Variants in FAM3B observed in about 807,000 individuals in gnomAD.
FAM3B encodes the protein FAM3 metabolism regulating signaling molecule B.
In FAM3B, 29 loss-of-function variants were observed where a neutral mutation model predicts 28.4. That is an observed-to-expected ratio of 1.02 (90% CI 0.76 to 1.39). The LOEUF (loss-of-function observed/expected upper bound fraction) is 1.39, where lower values mean the gene tolerates loss of function less well. Ranked by LOEUF, FAM3B falls within the 40% of genes most tolerant of loss-of-function variation. The pLI is 0.00. For synonymous variants in FAM3B, 91 were observed against 103.0 expected (o/e 0.88, Z 0.71); for missense variants, 266 against 293.9 (o/e 0.91, Z 0.69).
upstream of FAM3B, among the ~76,000 whole-genome samples, chr21:41,316,527 G>A (rs1434978118): frequency 6.6e-6 from 1 of 152,202 alleles, no homozygotes; most frequent in Non-Finnish European, 1.5e-5. Context: ...GGGAGCCAAA[G>A]TATCAAGTGG....
chr21:41,349,303 G>A (rs2089092707), intron 7 of FAM3B, among the ~76,000 whole-genome samples: 1 of 152,152 alleles, frequency 6.6e-6, no homozygotes, highest in Non-Finnish European at 1.5e-5. Context: ...AAATGTGTGG[G>A]AGTAACAAGC....
intron 3 of FAM3B, among the ~76,000 whole-genome samples, chr21:41,342,819 ACTGTTTTCTG>A (rs1390086069): frequency 6.6e-6 from 1 of 152,118 alleles, no homozygotes; most frequent in East Asian, 1.9e-4. Context: ...ACTATTATCT[ACTGTTTTCTG>A]CTGGTTCCAT....
At chr21:41,334,261 A>G (rs1601361005) in intron 2 of FAM3B, among the ~76,000 whole-genome samples, 1 of 152,248 alleles carries the variant, frequency 6.6e-6, no homozygotes, top group South Asian at 2.1e-4. Flanking sequence ...TTGCATAAGT[A>G]AAAAGAAGCC....
intron 1 of FAM3B, among the ~76,000 whole-genome samples, chr21:41,321,480 G>A (rs916706477): frequency 4.6e-5 from 7 of 152,202 alleles, no homozygotes; most frequent in African/African-American, 1.7e-4. Context: ...TTCTGTGTCT[G>A]GTTTATCTGC....
intron 1 of FAM3B, among the ~76,000 whole-genome samples, chr21:41,309,387 T>C (rs1339741982): frequency 1.3e-5 from 2 of 152,206 alleles, no homozygotes; most frequent in Non-Finnish European, 2.9e-5. Flanking sequence ...GTCACCCATG[T>C]GCCAGGGTCT....
rs959274211 is a variant in FAM3B, at chr21:41,352,330, C to T, written c.618+3606C>T. Among the ~76,000 whole-genome samples the T allele has an allele frequency of 2.0e-5, 3 of 152,252 alleles. No homozygotes were observed. In the South Asian group the frequency reaches 6.2e-4, roughly 32 times the overall value. On this transcript the variant is annotated intron_variant, in intron 7 of 7. Transcript: ENST00000357985. ...GTGCCTTCACAAAGCCTTAAAGATCCACCTCAAGGCTGTTTCTTCTGAGAA... is the reference window on the plus strand; with the variant it reads ...GTGCCTTCACAAAGCCTTAAAGATCTACCTCAAGGCTGTTTCTTCTGAGAA...
At chr21:41,324,439 A>C (rs918990666) in intron 2 of FAM3B, among the ~76,000 whole-genome samples, 3 of 152,214 alleles carry the variant, frequency 2.0e-5, no homozygotes, top group Admixed American at 2.0e-4. Context: ...TGGCCAGTAA[A>C]GTCACAGGAA....
chr21:41,345,231 AGGCG>A, intron 4 of FAM3B, among the ~76,000 whole-genome samples: 5 of 122,992 alleles, frequency 4.1e-5, no homozygotes, highest in African/African-American at 1.3e-4. Context: ...CTGTGGGAAG[AGGCG>A]GGTGGGCCTG....
At chr21:41,315,634 C>A (rs2088743165), upstream of FAM3B, among the ~76,000 whole-genome samples, 1 of 152,152 alleles carries the variant, frequency 6.6e-6, no homozygotes. Flanking sequence ...TGCTCAGGCC[C>A]AACGCTGGCA....
chr21:41,323,624 A>G (rs541088960), intron 2 of FAM3B, among the ~76,000 whole-genome samples: 9 of 152,302 alleles, frequency 5.9e-5, no homozygotes, highest in African/African-American at 2.2e-4. Flanking sequence ...TGTGCTGGGC[A>G]TGTCCAGGAG....
chr21:41,306,848 T>C (rs2088685373), intron 1 of FAM3B, among the ~76,000 whole-genome samples: 1 of 152,244 alleles, frequency 6.6e-6, no homozygotes, highest in Non-Finnish European at 1.5e-5. Context: ...AGTGCATTCA[T>C]CATCTGAATA....
intron 1 of FAM3B, chr21:41,321,048 C>A (rs545441971): frequency 6.6e-6 from 1 of 152,316 alleles, no homozygotes; most frequent in African/African-American, 2.4e-5. Context: ...TCAGGTGTGG[C>A]GTGTTGTCTA....
rs536743812 is a variant in FAM3B at position 41,347,723 on chromosome 21, A to G, written c.485+623A>G. Among the ~76,000 whole-genome samples, 15 of 147,998 alleles carry G rather than the reference A, an allele frequency of 1.0e-4. No individual in the cohort carries two copies. The East Asian group carries it at 3.0e-3, about 30-fold the overall frequency. ...AGCCAAGATTGCACCACTGCACTCC[A>G]GCCCGGTGACAGAGCGAGACTGTCT... On this transcript the variant is annotated intron_variant, in intron 6 of 7. Transcript: ENST00000357985.
intron 7 of FAM3B, among the ~76,000 whole-genome samples, chr21:41,356,084 CAT>C (rs1555873682): frequency 0.032 from 4,468 of 141,012 alleles, 82 homozygotes; most frequent in Middle Eastern, 0.092. Context: ...CACACACACA[CAT>C]AGTTTTACTC....
chr21:41,349,447 C>G (rs894785705), intron 7 of FAM3B, among the ~76,000 whole-genome samples: 2 of 152,130 alleles, frequency 1.3e-5, no homozygotes, highest in African/African-American at 4.8e-5. Flanking sequence ...GACCAAGGCG[C>G]GAGACTTCCC....
At chr21:41,332,190 G>A (rs908160034) in intron 2 of FAM3B, among the ~76,000 whole-genome samples, 3 of 152,294 alleles carry the variant, frequency 2.0e-5, no homozygotes, top group African/African-American at 7.2e-5. Context: ...CATGTGACAT[G>A]CCTGCTCCCC....
At chr21:41,311,780 C>T (rs961810875) in intron 1 of FAM3B, among the ~76,000 whole-genome samples, 1 of 152,132 alleles carries the variant, frequency 6.6e-6, no homozygotes, top group Non-Finnish European at 1.5e-5. Context: ...TACCTTAATA[C>T]CCTTTTCAGA....
At chr21:41,342,188 T>C (rs1472668131) in intron 3 of FAM3B, among the ~76,000 whole-genome samples, 2 of 152,246 alleles carry the variant, frequency 1.3e-5, no homozygotes, top group African/African-American at 2.4e-5. Flanking sequence ...CTAGGTTCTA[T>C]ATTTTCCTTT....
chr21:41,316,774 CCGACA>C, upstream of FAM3B: 30 of 1,196,232 alleles, frequency 2.5e-5, no homozygotes, highest in Non-Finnish European at 3.1e-5. Context: ...CCGCCCCTGC[CCGACA>C]CGACCGCTGC....
Sources: gnomAD v4.1 joint callset for allele counts (sites outside exome capture counted in the v4.1 genomes callset) on GRCh38, gnomAD v4.1.1 for gene constraint, MANE v1.5 for transcripts, NCBI Gene and HGNC (gene_info 2026-07-23, HGNC 2026-07-21) for gene names.